Variants in NEO1 observed in about 807,000 individuals in gnomAD.
The protein encoded by NEO1 is neogenin 1.
Under a neutral mutation model 159.7 loss-of-function variants are expected in NEO1, and 63 were observed. The ratio of observed to expected loss-of-function variants is 0.39; its 90% confidence interval spans 0.32 to 0.49. The LOEUF (loss-of-function observed/expected upper bound fraction) is 0.49, where lower values mean the gene tolerates loss of function less well. Ranked by LOEUF, NEO1 falls within the 20% of genes least tolerant of loss-of-function variation. The pLI, the probability that NEO1 is intolerant of heterozygous loss-of-function variation, is 0.85. For missense variants in NEO1, 1,615 were observed against 1,831.0 expected (o/e 0.88, Z 2.15); for synonymous variants, 633 against 662.0 (o/e 0.96, Z 0.67).
At chr15:73,266,885 G>A (rs1268165441) in intron 16 of NEO1, among the ~76,000 whole-genome samples, 1 of 152,130 alleles carries the variant, frequency 6.6e-6, no homozygotes, top group African/African-American at 2.4e-5. Flanking sequence ...AAGGTCAGAG[G>A]TACTATCCAT....
chr15:73,166,595 A>G (rs2034584146), intron 5 of NEO1, among the ~76,000 whole-genome samples: 1 of 152,188 alleles, frequency 6.6e-6, no homozygotes, highest in African/African-American at 2.4e-5. Flanking sequence ...GAGGTTATAC[A>G]TTGGTTTGGC....
intron 26 of NEO1, among the ~76,000 whole-genome samples, chr15:73,297,122 G>T (rs1267110620): frequency 6.6e-6 from 1 of 152,160 alleles, no homozygotes; most frequent in Non-Finnish European, 1.5e-5. Flanking sequence ...TGTTGGAAGG[G>T]TCTTCCTTAT....
At chr15:73,211,830 G>T (rs1419409633) in intron 7 of NEO1, among the ~76,000 whole-genome samples, 9 of 152,178 alleles carry the variant, frequency 5.9e-5, no homozygotes, top group Admixed American at 5.9e-4. Context: ...AGTCTTTTGG[G>T]TCTCACATTA....
intron 7 of NEO1, among the ~76,000 whole-genome samples, chr15:73,200,418 C>G (rs942607307): frequency 7.5e-6 from 1 of 133,312 alleles, no homozygotes; most frequent in Non-Finnish European, 1.6e-5. Context: ...CTGTCTCTAC[C>G]AAAAATAAAA....
chr15:73,156,040 T>G (rs2033746673), intron 5 of NEO1, among the ~76,000 whole-genome samples: 1 of 152,228 alleles, frequency 6.6e-6, no homozygotes, highest in Non-Finnish European at 1.5e-5. Flanking sequence ...ACTTCCTATA[T>G]CTTTACATTG....
intron 7 of NEO1, among the ~76,000 whole-genome samples, chr15:73,192,681 A>G (rs184666643): frequency 6.6e-6 from 1 of 152,056 alleles, no homozygotes; most frequent in East Asian, 1.9e-4. Context: ...GTATGGAAAA[A>G]TATCCAATTT....
chr15:73,087,679 A>G lies in NEO1; in HGVS notation c.131-28861A>G, dbSNP rs370498458. 6.6e-5 allele frequency among the ~76,000 whole-genome samples: 10 copies of G among 152,294 alleles called. No individual in the cohort carries two copies. In the East Asian group the frequency reaches 1.9e-3, roughly 29 times the overall value. ...AGAATAATGTAATTGTAGAAACTTA[A>G]ACTATAGAAATGAATGATGAGAATA... On this transcript the variant is annotated intron_variant, in intron 1 of 28. Coordinates refer to ENST00000261908, the MANE Select transcript of NEO1 (RefSeq NM_002499.4).
Position 73,052,588 on chromosome 15 carries a change from C to A in NEO1, c.-88C>A. Reference sequence around the variant, plus strand: ...GCGGCCGCGGGAGCCGAGCTTGCAGCGAGGGACCGGCTGAGGCGCGCGGGA... The same window carrying A: ...GCGGCCGCGGGAGCCGAGCTTGCAGAGAGGGACCGGCTGAGGCGCGCGGGA... On this transcript the variant is annotated 5_prime_UTR_variant, in exon 1 of 29. Coordinates refer to ENST00000261908, the MANE Select transcript of NEO1 (RefSeq NM_002499.4). 1 of 842,642 alleles carries A rather than the reference C, an allele frequency of 1.2e-6. No individual in the cohort carries two copies. Among genetic ancestry groups the A allele is most frequent in the Non-Finnish European group, 1.5e-6 (1 of 660,072 alleles). 52.2% of individuals were successfully genotyped at this position (842,642 alleles called of 1,614,324 possible).
intron 5 of NEO1, among the ~76,000 whole-genome samples, chr15:73,163,343 T>G (rs747472380): frequency 6.6e-6 from 1 of 152,192 alleles, no homozygotes; most frequent in Non-Finnish European, 1.5e-5. Context: ...TCAAACCGTA[T>G]CAACAAAGTA....
At chr15:73,196,494 C>T (rs2036539204) in intron 7 of NEO1, among the ~76,000 whole-genome samples, 2 of 152,188 alleles carry the variant, frequency 1.3e-5, no homozygotes, top group South Asian at 4.1e-4. Flanking sequence ...TGAGATTATT[C>T]ACATGCACTT....
chr15:73,195,191 T>C (rs1305262885), intron 7 of NEO1, among the ~76,000 whole-genome samples: 6 of 152,208 alleles, frequency 3.9e-5, no homozygotes, highest in Non-Finnish European at 7.4e-5. Context: ...AATTTGAATT[T>C]GATGCTATTA....
At position 73,080,349 on chromosome 15, in the gene NEO1, C is replaced by T. The variant is rs567473974; in HGVS notation, c.130+27544C>T. On this transcript the variant is annotated intron_variant, in intron 1 of 28. Coordinates refer to ENST00000261908, the MANE Select transcript of NEO1 (RefSeq NM_002499.4). ...TTATTTAACAAACAGAGTTTATAGG[C>T]TTGTTTTTTCCTCAACATGTCTTCA... Among the ~76,000 whole-genome samples the T allele has an allele frequency of 2.6e-5, 4 of 152,228 alleles. No homozygotes were observed. In the South Asian group the frequency reaches 8.3e-4, roughly 32 times the overall value.
chr15:73,147,284 C>G (rs953039866), intron 5 of NEO1, among the ~76,000 whole-genome samples: 1 of 152,176 alleles, frequency 6.6e-6, no homozygotes, highest in Non-Finnish European at 1.5e-5. Context: ...GACTCCTTCA[C>G]TTGATTCTGT....
At chr15:73,174,426 G>C (rs148623171) in intron 5 of NEO1, among the ~76,000 whole-genome samples, 2,071 of 152,300 alleles carry the variant, frequency 0.014, 19 homozygotes, top group South Asian at 0.017. Flanking sequence ...GATGACATGA[G>C]TTGGAGCTGG....
intron 7 of NEO1, among the ~76,000 whole-genome samples, chr15:73,190,813 C>G (rs1423427828): frequency 1.3e-5 from 2 of 151,940 alleles, no homozygotes; most frequent in Non-Finnish European, 2.9e-5. Flanking sequence ...TAGGAACTTT[C>G]TAAAGACTGA....
At chr15:73,089,154 G>T (rs994934921) in intron 1 of NEO1, among the ~76,000 whole-genome samples, 1 of 152,088 alleles carries the variant, frequency 6.6e-6, no homozygotes, top group African/African-American at 2.4e-5. Flanking sequence ...AATGATGAGT[G>T]AACACTAGAT....
intron 23 of NEO1, among the ~76,000 whole-genome samples, chr15:73,286,521 C>T (rs182751967): frequency 7.2e-5 from 11 of 152,182 alleles, no homozygotes; most frequent in African/African-American, 2.7e-4. Context: ...CATCTGCTCC[C>T]GTGGCTTCAG....
rs952233257 is a variant in NEO1, at chr15:73,231,825, G to A, written c.1292-4522G>A. Among the ~76,000 whole-genome samples the A allele has an allele frequency of 2.0e-5, 3 of 152,194 alleles. No individual in the cohort carries two copies. The East Asian group carries it at 5.8e-4, about 29-fold the overall frequency. On this transcript the variant is annotated intron_variant, in intron 7 of 28. Transcript: ENST00000261908. ...AAACTCTAGCTGCCTCCACTGCCATGAGTAATAAAGTTCTTTGTCTCTGAT... is the reference window on the plus strand; with the variant it reads ...AAACTCTAGCTGCCTCCACTGCCATAAGTAATAAAGTTCTTTGTCTCTGAT...
chr15:73,301,287 T>G, intron 27 of NEO1, 34 bp from the exon 28 acceptor site: 1 of 1,613,674 alleles, frequency 6.2e-7, no homozygotes, highest in South Asian at 1.1e-5. Context: ...GAGGCAGGCT[T>G]GGCCACATAT....
Sources: gnomAD v4.1 joint callset for allele counts (sites outside exome capture counted in the v4.1 genomes callset) on GRCh38, gnomAD v4.1.1 for gene constraint, MANE v1.5 for transcripts, NCBI Gene and HGNC (gene_info 2026-07-23, HGNC 2026-07-21) for gene names.